NTM: variants seen among roughly 807,000 people sequenced by gnomAD.
NTM encodes IgLON family member 2.
In NTM, 13 loss-of-function variants were observed where a neutral mutation model predicts 42.1. That is an observed-to-expected ratio of 0.31 (90% CI 0.20 to 0.49). NTM has a LOEUF of 0.49. Among genes scored for constraint, NTM ranks in the 20% least tolerant of loss-of-function variants. The pLI is 0.99. For missense variants in NTM, 373 were observed against 452.8 expected, an observed-to-expected ratio of 0.82 and a Z score of 1.60; for synonymous variants, 187 against 179.2, an observed-to-expected ratio of 1.04 and a Z score of -0.35.
chr11:132,095,654 A>G (rs1259265449), intron 2 of NTM, among the ~76,000 whole-genome samples: 3 of 151,976 alleles, frequency 2.0e-5, no homozygotes, highest in African/African-American at 7.2e-5. Flanking sequence ...AAAGCTCAGG[A>G]CTCCATCCCC....
chr11:131,812,371 G>A (rs2092773759), intron 1 of NTM, among the ~76,000 whole-genome samples: 1 of 152,134 alleles, frequency 6.6e-6, no homozygotes, highest in Non-Finnish European at 1.5e-5. Context: ...CTCCAGTTAA[G>A]CATTCAGGCA....
chr11:131,937,154 A>G (rs2059309341), intron 2 of NTM, among the ~76,000 whole-genome samples: 1 of 152,156 alleles, frequency 6.6e-6, no homozygotes, highest in South Asian at 2.1e-4. Flanking sequence ...TTCTGCAGAA[A>G]CAGAAGTTCT....
intron 1 of NTM, among the ~76,000 whole-genome samples, chr11:131,575,403 A>G (rs1048762910): frequency 2.6e-5 from 4 of 152,184 alleles, no homozygotes; most frequent in Non-Finnish European, 1.5e-5. Flanking sequence ...TTTCTGGAGT[A>G]TAAGAACTAC....
At chr11:131,661,088 G>C in intron 1 of NTM, 1 of 1,275,058 alleles carries the variant, frequency 7.8e-7, no homozygotes, top group Non-Finnish European at 1.0e-6. Flanking sequence ...GCACAGACTG[G>C]TGGGGGGGTC....
intron 2 of NTM, among the ~76,000 whole-genome samples, chr11:131,997,777 C>A (rs2068353072): frequency 6.6e-6 from 1 of 152,140 alleles, no homozygotes. Context: ...TTTCATCTTT[C>A]CAATGAAGGT....
At chr11:131,650,125 A>G (rs1201319945) in intron 1 of NTM, among the ~76,000 whole-genome samples, 1 of 152,186 alleles carries the variant, frequency 6.6e-6, no homozygotes, top group Non-Finnish European at 1.5e-5. Flanking sequence ...CACACAGACT[A>G]TTCATGGTAT....
Position 131,557,513 on chromosome 11 carries a change from G to T in NTM, c.82+186625G>T, listed in dbSNP as rs538068460. Reference sequence around the variant, plus strand: ...TTTCAACATTAAGTGCCTATTAAGCGCTCTCCTTTCTGGAAGTCTAGGTTC... The same window carrying T: ...TTTCAACATTAAGTGCCTATTAAGCTCTCTCCTTTCTGGAAGTCTAGGTTC... On this transcript the variant is annotated intron_variant, in intron 1 of 8. Transcript: ENST00000683400. 2.6e-5 allele frequency among the ~76,000 whole-genome samples: 4 copies of T among 152,268 alleles called. No homozygotes were observed. The South Asian group carries it at 8.3e-4, about 32-fold the overall frequency.
chr11:131,833,568 A>G (rs1193437386), intron 1 of NTM, among the ~76,000 whole-genome samples: 1 of 152,230 alleles, frequency 6.6e-6, no homozygotes, highest in Admixed American at 6.5e-5. Context: ...TAGCTCACAC[A>G]TGAGTCAGGA....
At chr11:132,200,146 A>T (rs534197244) in intron 3 of NTM, among the ~76,000 whole-genome samples, 1 of 152,260 alleles carries the variant, frequency 6.6e-6, no homozygotes, top group South Asian at 2.1e-4. Flanking sequence ...CATAACCTTT[A>T]TGAGGGATTT....
chr11:131,690,234 T>C (rs1056831174), intron 1 of NTM, among the ~76,000 whole-genome samples: 3 of 152,082 alleles, frequency 2.0e-5, no homozygotes, highest in Non-Finnish European at 4.4e-5. Context: ...TTGGTGCAAC[T>C]CACACATTCA....
intron 1 of NTM, among the ~76,000 whole-genome samples, chr11:131,607,091 T>G (rs952384163): frequency 6.6e-6 from 1 of 152,238 alleles, no homozygotes; most frequent in African/African-American, 2.4e-5. Flanking sequence ...AGCATGCAAG[T>G]GCTGATAGCT....
At chr11:132,272,771 G>A (rs1349955534) in intron 4 of NTM, among the ~76,000 whole-genome samples, 3 of 151,738 alleles carry the variant, frequency 2.0e-5, no homozygotes, top group African/African-American at 7.3e-5. Flanking sequence ...ATTTTTTTTA[G>A]TGGATTTCTT....
intron 1 of NTM, among the ~76,000 whole-genome samples, chr11:131,598,685 T>TTCTTTCTTTCTTTC (rs2060037130): frequency 8.6e-5 from 2 of 23,180 alleles, no homozygotes; most frequent in Admixed American, 5.3e-4. Flanking sequence ...CTCATTTGTT[T>TTCTTTCTTTCTTTC]TCTTTCTTTC....
chr11:132,166,778 C>T (rs111504434), intron 3 of NTM, among the ~76,000 whole-genome samples: 1 of 152,184 alleles, frequency 6.6e-6, no homozygotes, highest in Admixed American at 6.5e-5. Context: ...AAGATTCCAC[C>T]TCTCAGGAAT....
At chr11:131,996,113 G>T (rs1274511886) in intron 2 of NTM, among the ~76,000 whole-genome samples, 1 of 152,080 alleles carries the variant, frequency 6.6e-6, no homozygotes, top group Non-Finnish European at 1.5e-5. Context: ...AGTTTCAGGG[G>T]GACTGCCCTA....
chr11:131,816,364 G>GA (rs951730008), intron 1 of NTM, among the ~76,000 whole-genome samples: 19 of 152,236 alleles, frequency 1.2e-4, no homozygotes, highest in African/African-American at 3.9e-4. Context: ...CAACCCCTTA[G>GA]ATTACCTACC....
At chr11:131,841,806 G>A (rs900901056) in intron 1 of NTM, among the ~76,000 whole-genome samples, 1 of 152,106 alleles carries the variant, frequency 6.6e-6, no homozygotes, top group African/African-American at 2.4e-5. Flanking sequence ...AGGAGGGATG[G>A]GGATTACAGC....
chr11:131,547,889 C>T (rs1474755887), intron 1 of NTM, among the ~76,000 whole-genome samples: 3 of 152,182 alleles, frequency 2.0e-5, no homozygotes, highest in African/African-American at 4.8e-5. Context: ...TCTCAAACCT[C>T]ATAGCACAGT....
intron 4 of NTM, among the ~76,000 whole-genome samples, chr11:132,270,703 T>C (rs1471879443): frequency 6.6e-6 from 1 of 151,806 alleles, no homozygotes; most frequent in East Asian, 1.9e-4. Flanking sequence ...AGAATGGCTG[T>C]GTCACAAGTG....
Sources: gnomAD v4.1 joint callset for allele counts (sites outside exome capture counted in the v4.1 genomes callset) on GRCh38, gnomAD v4.1.1 for gene constraint, MANE v1.5 for transcripts, NCBI Gene and HGNC (gene_info 2026-07-23, HGNC 2026-07-21) for gene names.